The following ARL10 variants were observed in gnomAD, a reference collection of about 807,000 sequenced individuals.
ARL10 encodes ARF like GTPase 10.
Under a neutral mutation model 26.1 loss-of-function variants are expected in ARL10, and 23 were observed. The observed-to-expected ratio is 0.88, with a 90% CI of 0.63 to 1.25. The LOEUF is 1.25. Ranked by LOEUF, ARL10 falls within the 50% of genes most tolerant of loss-of-function variation. The probability of loss-of-function intolerance (pLI) is 0.00; values close to 1 mark genes in which losing one functional copy is unlikely to be tolerated. For synonymous variants in ARL10, 138 were observed against 149.1 expected (o/e 0.93, Z 0.54); for missense variants, 300 against 323.6 (o/e 0.93, Z 0.56).
chr5:176,392,912 C>G (rs1266056358), downstream of ARL10: 1 of 1,614,134 alleles, frequency 6.2e-7, no homozygotes, highest in Admixed American at 1.7e-5. The surrounding 1 kb of genome is among the most constrained non-coding windows in gnomAD (Gnocchi z 5.2). Context: ...GGGTCTCCTC[C>G]TTGGATTCCT....
downstream of ARL10, chr5:176,386,785 C>T: frequency 1.3e-6 from 2 of 1,507,934 alleles, no homozygotes; most frequent in Non-Finnish European, 1.8e-6. Flanking sequence ...AGGGCCCTTC[C>T]CAGCTTCCCA....
At chr5:176,386,433 C>A (rs1379680989), downstream of ARL10, 1 of 302,054 alleles carries the variant, frequency 3.3e-6, no homozygotes, top group Non-Finnish European at 6.6e-6. Context: ...TTACTCTCCT[C>A]CGTTTTAGCG....
In ARL10 at chr5:176,394,631, G is replaced by A. The variant is rs181687882; in HGVS notation, c.134-7110G>A. Among the ~76,000 whole-genome samples, 819 of 147,264 alleles carry A rather than the reference G, an allele frequency of 5.6e-3. 13 individuals are homozygous for A. Among genetic ancestry groups the A allele is most frequent in the African/African-American group, 5.9e-3 (238 of 40,270 alleles). On this transcript the variant is annotated intron_variant, in intron 1 of 1. Coordinates refer to the ARL10 transcript ENST00000514533. ...AGATGGAGAGCATCCTGGCTAACACGGTGAAACCCCGTCTCTACTAAAAAA... is the reference window on the plus strand; with the variant it reads ...AGATGGAGAGCATCCTGGCTAACACAGTGAAACCCCGTCTCTACTAAAAAA...
At chr5:176,403,809 G>T (rs1756964508), downstream of ARL10, among the ~76,000 whole-genome samples, 1 of 152,116 alleles carries the variant, frequency 6.6e-6, no homozygotes, top group Non-Finnish European at 1.5e-5. Context: ...GTCCAGGCTG[G>T]AGTACAGTGG....
chr5:176,375,144 C>T lies in ARL10; in HGVS notation c.*3249C>T, dbSNP rs1188785121. The T allele has an allele frequency of 4.0e-4, 42 of 105,846 alleles. No homozygotes were observed. Among genetic ancestry groups the T allele is most frequent in the African/African-American group, 1.6e-3 (41 of 26,144 alleles). 6.6% of individuals were successfully genotyped at this position (105,846 alleles called of 1,614,324 possible). Reference sequence around the variant, plus strand: ...TCCACCCGTCCACCCGTCCACCCATCCACCCACCCACCCATCCATCCACCC... The same window carrying T: ...TCCACCCGTCCACCCGTCCACCCATTCACCCACCCACCCATCCATCCACCC... On this transcript the variant is annotated 3_prime_UTR_variant, in exon 4 of 4. Coordinates refer to ENST00000310389, the MANE Select transcript of ARL10 (RefSeq NM_173664.6).
chr5:176,405,310 G>A (rs62402499), downstream of ARL10, among the ~76,000 whole-genome samples: 216 of 151,910 alleles, frequency 1.4e-3, no homozygotes, highest in Middle Eastern at 0.017. Flanking sequence ...CCAATATAGC[G>A]AGACCACATC....
At chr5:176,383,292 G>A (rs1009670961), downstream of ARL10, among the ~76,000 whole-genome samples, 1 of 152,230 alleles carries the variant, frequency 6.6e-6, no homozygotes, top group Non-Finnish European at 1.5e-5. Flanking sequence ...GAGAAACCCT[G>A]GGAATAAGGT....
rs1768706746 is a variant in ARL10, at chr5:176,377,090, G to A, written c.*5195G>A. On this transcript the variant is annotated 3_prime_UTR_variant, in exon 4 of 4. Coordinates refer to ENST00000310389, the MANE Select transcript of ARL10 (RefSeq NM_173664.6). The surrounding 1 kb of genome is among the most constrained non-coding windows in gnomAD (Gnocchi z 4.5). ...TTCTGTTAGGAGCACAGGCTTTCTAGTAACTATTTCATAGGGGTCAATCTG... is the reference window on the plus strand; with the variant it reads ...TTCTGTTAGGAGCACAGGCTTTCTAATAACTATTTCATAGGGGTCAATCTG... The A allele has an allele frequency of 6.6e-6, 1 of 152,236 alleles. No individual in the cohort carries two copies. Among genetic ancestry groups the A allele is most frequent in the Non-Finnish European group, 1.5e-5 (1 of 68,032 alleles). 9.4% of individuals were successfully genotyped at this position (152,236 alleles called of 1,614,324 possible). A position where few individuals can be genotyped will look rare whatever the true frequency, so the allele number is the denominator to read the frequency against.
chr5:176,390,891 C>G (rs1009110660), downstream of ARL10, among the ~76,000 whole-genome samples: 1 of 152,150 alleles, frequency 6.6e-6, no homozygotes, highest in African/African-American at 2.4e-5. Context: ...GGCTGAGGAC[C>G]TGAGCACACT....
At chr5:176,367,822 T>A in intron 2 of ARL10, 1 of 498,480 alleles carries the variant, frequency 2.0e-6, no homozygotes, top group South Asian at 1.5e-5. Context: ...CCACTTTCCC[T>A]TTTTTCTGTT....
At chr5:176,414,075 T>C in the ARL10 span, among the ~76,000 whole-genome samples, 14 of 152,330 alleles carry the variant, frequency 9.2e-5, no homozygotes, top group Non-Finnish European at 1.6e-4. Context: ...CTCAGGCATC[T>C]GGCTGCCCTC....
chr5:176,369,350 A>T, intron 3 of ARL10: 1 of 564,594 alleles, frequency 1.8e-6, no homozygotes, highest in Admixed American at 3.4e-5. Context: ...CTTGTGCCTC[A>T]GCCTTCCGAG....
downstream of ARL10, chr5:176,385,338 G>C: frequency 6.7e-7 from 1 of 1,485,848 alleles, no homozygotes; most frequent in East Asian, 2.3e-5. Flanking sequence ...CTGGAGTGAT[G>C]AGAGAAGCGG....
chr5:176,384,092 G>A (rs967910001), downstream of ARL10: 207,155 of 1,577,632 alleles, frequency 0.13, 13,998 homozygotes, highest in African/African-American at 0.2. Context: ...GAGTGTGCAC[G>A]TGTGTGTGTA....
downstream of ARL10, among the ~76,000 whole-genome samples, chr5:176,402,636 G>A (rs1015670587): frequency 2.0e-5 from 3 of 152,202 alleles, no homozygotes; most frequent in Non-Finnish European, 4.4e-5. Flanking sequence ...ACCCAGCACC[G>A]GGAGGGCCTG....
At position 176,380,638 on chromosome 5, in the gene ARL10, A is replaced by C. The variant is rs1312207924; in HGVS notation, c.*8743A>C. ...TAGCTGCGATCGATCACAGGTGTGCACCACCGCCCAGCTAATTTTTGTATT... is the reference window on the plus strand; with the variant it reads ...TAGCTGCGATCGATCACAGGTGTGCCCCACCGCCCAGCTAATTTTTGTATT... On this transcript the variant is annotated 3_prime_UTR_variant, in exon 4 of 4. Coordinates refer to ENST00000310389, the MANE Select transcript of ARL10 (RefSeq NM_173664.6). The C allele has an allele frequency of 6.6e-6, 1 of 151,798 alleles. No homozygotes were observed. Among genetic ancestry groups the C allele is most frequent in the Non-Finnish European group, 1.5e-5 (1 of 67,946 alleles). The allele number at this position is 151,798 out of a possible 1,614,324, so 9.4% of individuals were successfully genotyped here.
In ARL10 at chr5:176,372,075, G is replaced by T. The variant is rs2113554420; in HGVS notation, c.*180G>T. 7.0e-7 allele frequency: 1 copy of T among 1,428,524 alleles called. No individual in the cohort carries two copies. Among genetic ancestry groups the T allele is most frequent in the Non-Finnish European group, 9.1e-7 (1 of 1,093,894 alleles). The allele number at this position is 1,428,524 out of a possible 1,614,324, so 88.5% of individuals were successfully genotyped here. A position where few individuals can be genotyped will look rare whatever the true frequency, so the allele number is the denominator to read the frequency against. On this transcript the variant is annotated 3_prime_UTR_variant, in exon 4 of 4. Coordinates refer to ENST00000310389, the MANE Select transcript of ARL10 (RefSeq NM_173664.6). ...ACCATGCAGAAGCCTTCCTGGTGAGGTGGCCGTGAAGCCGAAGCAGGGAGG... is the reference window on the plus strand; with the variant it reads ...ACCATGCAGAAGCCTTCCTGGTGAGTTGGCCGTGAAGCCGAAGCAGGGAGG...
At position 176,371,889 on chromosome 5, in the gene ARL10, C is replaced by G; in HGVS notation, c.729C>G (p.Leu243=). The G allele has an allele frequency of 6.2e-7, 1 of 1,613,822 alleles. No individual in the cohort carries two copies. The highest frequency in any genetic ancestry group is 8.5e-7 in the Non-Finnish European group (1 of 1,179,812). Residue 243 remains leucine, a synonymous_variant, in exon 4 of 4, where the codon CTC becomes CTG. Coordinates refer to ENST00000310389, the MANE Select transcript of ARL10 (RefSeq NM_173664.6). ...VHIWKLLLEL[L]S ...TCTGGAAACTGCTCTTGGAGCTCCT[C>G]TCCTAGGCTGGAGCTCTCCTGCTTG...
downstream of ARL10, chr5:176,384,732 T>A: frequency 2.7e-6 from 1 of 366,072 alleles, no homozygotes; most frequent in Admixed American, 4.4e-5. Context: ...ATCACACCAC[T>A]GAACTCCACC....
Sources: gnomAD v4.1 joint callset for allele counts (sites outside exome capture counted in the v4.1 genomes callset) on GRCh38, gnomAD v4.1.1 for gene constraint, Gnocchi (gnomAD v3.1) non-coding constraint, MANE v1.5 for transcripts, NCBI Gene and HGNC (gene_info 2026-07-23, HGNC 2026-07-21) for gene names.